CACNA1C: variants seen among roughly 807,000 people sequenced by gnomAD.
The protein encoded by CACNA1C is calcium voltage-gated channel subunit alpha1 C, also known as voltage-dependent L-type calcium channel subunit alpha-1C.
In CACNA1C, 30 loss-of-function variants were observed where a neutral mutation model predicts 229.0. The observed-to-expected ratio is 0.13, with a 90% confidence interval of 0.10 to 0.18. The LOEUF is 0.18. Among genes scored for constraint, CACNA1C ranks in the 10% least tolerant of loss-of-function variants. CACNA1C has a pLI of 1.00. For missense variants in CACNA1C, 1,658 were observed against 2,845.0 expected (o/e 0.58, Z 9.49); for synonymous variants, 1,114 against 1,132.5 (o/e 0.98, Z 0.33).
At chr12:2,581,201 GA>G (rs1262670151) in intron 13 of CACNA1C, among the ~76,000 whole-genome samples, 1 of 152,228 alleles carries the variant, frequency 6.6e-6, no homozygotes, top group Non-Finnish European at 1.5e-5. Context: ...GCTCTTTGGG[GA>G]AAGGTGGATC....
intron 3 of CACNA1C, among the ~76,000 whole-genome samples, chr12:2,377,839 T>C (rs2098121554): frequency 6.6e-6 from 1 of 152,190 alleles, no homozygotes; most frequent in Non-Finnish European, 1.5e-5. Context: ...CCATGATTTC[T>C]GAAGAACACA....
chr12:2,096,355 G>A (rs1334199777), intron 1 of CACNA1C, among the ~76,000 whole-genome samples: 1 of 152,182 alleles, frequency 6.6e-6, no homozygotes, highest in African/African-American at 2.4e-5. Flanking sequence ...CTTGCCGGAA[G>A]CACTTGTATA....
chr12:2,546,803 GT>G (rs1314703452), intron 9 of CACNA1C, among the ~76,000 whole-genome samples: 9 of 152,226 alleles, frequency 5.9e-5, no homozygotes, highest in African/African-American at 2.2e-4. Flanking sequence ...ACACATATAT[GT>G]TTTGGATGTG....
At position 2,595,864 on chromosome 12, in the gene CACNA1C, T is replaced by G. The variant is rs2067936455; in HGVS notation, c.2664-10T>G. On this transcript the variant is annotated splice_polypyrimidine_tract_variant and intron_variant, in intron 19 of 46. Transcript: ENST00000399655. This position sits in a 1 kb window ranked among gnomAD's most constrained non-coding sequence, Gnocchi z 4.1. Reference sequence around the variant, plus strand: ...GACTTGTCTCTCCTCCTGTCCCCTCTCCCGTACAGGTTTCGCCTCCAGTGC... The same window carrying G: ...GACTTGTCTCTCCTCCTGTCCCCTCGCCCGTACAGGTTTCGCCTCCAGTGC... The G allele has an allele frequency of 6.2e-7, 1 of 1,612,702 alleles. No individual in the cohort carries two copies. The highest frequency in any genetic ancestry group is 8.5e-7 in the Non-Finnish European group (1 of 1,179,350).
chr12:2,049,105 C>A (rs1275766926), upstream of CACNA1C: 1 of 152,190 alleles, frequency 6.6e-6, no homozygotes, highest in Non-Finnish European at 1.5e-5. Flanking sequence ...TACTAATATT[C>A]TTCCTTAATA....
At chr12:2,328,649 T>G (rs191457515) in intron 3 of CACNA1C, among the ~76,000 whole-genome samples, 199 of 152,310 alleles carry the variant, frequency 1.3e-3, no homozygotes, top group Non-Finnish European at 2.3e-3. Flanking sequence ...TAGATGAGTT[T>G]TATGGAAGCT....
intron 3 of CACNA1C, among the ~76,000 whole-genome samples, chr12:2,233,847 C>T (rs544515612): frequency 6.6e-6 from 1 of 152,150 alleles, no homozygotes; most frequent in African/African-American, 2.4e-5. Flanking sequence ...CAAAAGGATC[C>T]CTTCAGCAAA....
Position 2,034,868 on chromosome 12 carries a change from A to G in CACNA1C, c.139+63667A>G, listed in dbSNP as rs1227191822. Among the ~76,000 whole-genome samples the G allele has an allele frequency of 2.0e-5, 3 of 152,214 alleles. No homozygotes were observed. The highest frequency in any genetic ancestry group is 4.4e-5 in the Non-Finnish European group (3 of 68,042). On this transcript the variant is annotated intron_variant, in intron 1 of 46. Transcript: ENST00000682462. This position sits in a 1 kb window ranked among gnomAD's most constrained non-coding sequence, Gnocchi z 4.1. Reference sequence around the variant, plus strand: ...GGTGATTTTCATTCTGTGTGTAAATATAATTAGGAAAGTACAGGATGCTAT... The same window carrying G: ...GGTGATTTTCATTCTGTGTGTAAATGTAATTAGGAAAGTACAGGATGCTAT...
At chr12:2,593,384 T>C in intron 19 of CACNA1C, 39 bp downstream of exon 19, 1 of 1,608,816 alleles carries the variant, frequency 6.2e-7, no homozygotes, top group Non-Finnish European at 8.5e-7. Flanking sequence ...TCCTGCTCTC[T>C]CTAGTACCAG....
At chr12:2,032,261 G>C (rs891735369) in intron 1 of CACNA1C, among the ~76,000 whole-genome samples, 1 of 152,014 alleles carries the variant, frequency 6.6e-6, no homozygotes, top group Non-Finnish European at 1.5e-5. Context: ...GCTTATATCA[G>C]TATAACTCAC....
chr12:2,334,409 A>G (rs934942819), intron 3 of CACNA1C, among the ~76,000 whole-genome samples: 2 of 152,232 alleles, frequency 1.3e-5, no homozygotes, highest in African/African-American at 2.4e-5. Context: ...CTGGTTCATT[A>G]GGATGCTCAA....
chr12:2,638,339 A>C (rs568011800), intron 30 of CACNA1C, among the ~76,000 whole-genome samples: 1 of 152,334 alleles, frequency 6.6e-6, no homozygotes, highest in East Asian at 1.9e-4. Context: ...AGGATTCTCC[A>C]TGTGGAGATC....
intron 3 of CACNA1C, among the ~76,000 whole-genome samples, chr12:2,155,128 C>T (rs1017722466): frequency 6.6e-6 from 1 of 152,152 alleles, no homozygotes; most frequent in Non-Finnish European, 1.5e-5. Context: ...TACACAGAGG[C>T]GTCACACACA....
chr12:2,412,586 A>G (rs181602765), intron 3 of CACNA1C, among the ~76,000 whole-genome samples: 13 of 152,358 alleles, frequency 8.5e-5, no homozygotes, highest in Non-Finnish European at 5.9e-5. Context: ...AGTTTGCCCT[A>G]TCTCTGTCAT....
Position 2,410,909 on chromosome 12 carries a change from T to G in CACNA1C, c.478-38067T>G, listed in dbSNP as rs1447318935. On this transcript the variant is annotated intron_variant, in intron 3 of 46. Coordinates refer to ENST00000399655, the MANE Select transcript of CACNA1C (RefSeq NM_000719.7). The surrounding 1 kb of genome is among the most constrained non-coding windows in gnomAD (Gnocchi z 5.3). The stretch of plus-strand genomic sequence containing the variant: ...TCCTGGCTGCCCTATCCTTCCCTTC[T>G]CCTGGCTGCCTCCCATTGTGACATG... Among the ~76,000 whole-genome samples, 1 of 150,532 alleles carries G rather than the reference T, an allele frequency of 6.6e-6. No homozygotes were observed. The highest frequency in any genetic ancestry group is 1.9e-4 in the East Asian group (1 of 5,182).
chr12:2,568,809 G>A (rs918355193), intron 13 of CACNA1C, among the ~76,000 whole-genome samples: 33 of 152,116 alleles, frequency 2.2e-4, no homozygotes, highest in Admixed American at 1.7e-3. Context: ...TCTGGAGATG[G>A]AGGATGGTGG....
intron 3 of CACNA1C, among the ~76,000 whole-genome samples, chr12:2,316,706 A>G (rs1188595195): frequency 6.6e-6 from 1 of 152,220 alleles, no homozygotes; most frequent in Non-Finnish European, 1.5e-5. Flanking sequence ...CCATGAACTC[A>G]TTAGTTCACC....
intron 3 of CACNA1C, among the ~76,000 whole-genome samples, chr12:2,207,120 A>G (rs2097776176): frequency 6.6e-6 from 1 of 152,182 alleles, no homozygotes; most frequent in South Asian, 2.1e-4. Context: ...TTCGAGGAGC[A>G]TCTTTCCCTT....
chr12:2,688,660 C>T lies in CACNA1C; in HGVS notation c.5998C>T (p.Pro2000Ser), dbSNP rs745889901. ...CTGCGGCTCCTGGGCTGAGACCACCCCCGGTGGCGGGGGCAGCAGCGCCGC... is the reference window on the plus strand; with the variant it reads ...CTGCGGCTCCTGGGCTGAGACCACCTCCGGTGGCGGGGGCAGCAGCGCCGC... ...IHCGSWAETT[P>S]GGGGSSAARR... The change falls in exon 46 of 47, where the codon CCC (proline) becomes TCC (serine). Residue 2000 changes from proline to serine, a missense_variant. Coordinates refer to ENST00000399655, the MANE Select transcript of CACNA1C (RefSeq NM_000719.7). 2 of 1,613,566 alleles carry T rather than the reference C, an allele frequency of 1.2e-6. No individual in the cohort carries two copies. The highest frequency in any genetic ancestry group is 1.3e-5 in the African/African-American group (1 of 74,924).
Sources: allele counts gnomAD v4.1 joint callset (sites outside exome capture counted in the v4.1 genomes callset), GRCh38; gene constraint gnomAD v4.1.1; non-coding constraint Gnocchi (gnomAD v3.1); transcripts MANE v1.5; gene names NCBI Gene and HGNC (gene_info 2026-07-23, HGNC 2026-07-21).